Variants in CTNNAL1 observed in about 807,000 individuals in gnomAD.
CTNNAL1 encodes alpha-catulin.
In CTNNAL1, 69 loss-of-function variants were observed where a neutral mutation model predicts 93.6. The observed-to-expected ratio is 0.74, with a 90% CI of 0.61 to 0.90. The LOEUF (loss-of-function observed/expected upper bound fraction) is 0.90. Ranked by LOEUF, CTNNAL1 falls within the 40% of genes least tolerant of loss-of-function variation. CTNNAL1 has a pLI of 0.00. For synonymous variants in CTNNAL1, 286 were observed against 305.4 expected, an observed-to-expected ratio of 0.94 and a Z score of 0.66; for missense variants, 836 against 862.0, an observed-to-expected ratio of 0.97 and a Z score of 0.38.
chr9:109,001,504 G>A (rs1405649077), intron 1 of CTNNAL1, among the ~76,000 whole-genome samples: 1 of 152,150 alleles, frequency 6.6e-6, no homozygotes, highest in Non-Finnish European at 1.5e-5. Context: ...ATAATGGAGT[G>A]CTTCTAAGAG....
chr9:109,005,031 C>A (rs1441815915), intron 1 of CTNNAL1, among the ~76,000 whole-genome samples: 1 of 152,038 alleles, frequency 6.6e-6, no homozygotes, highest in Admixed American at 6.5e-5. Context: ...AAACTGACAC[C>A]AAATCCCACC....
rs1351428032 is a variant in CTNNAL1 at position 108,958,892 on chromosome 9, C to G, written c.1592-3065G>C. Among the ~76,000 whole-genome samples the G allele has an allele frequency of 2.0e-5, 3 of 150,974 alleles. No homozygotes were observed. In the East Asian group the frequency reaches 5.8e-4, roughly 29 times the overall value. On this transcript the variant is annotated intron_variant, in intron 11 of 18. Coordinates refer to ENST00000325551, the MANE Select transcript of CTNNAL1 (RefSeq NM_003798.4). ...GGGACTACAGGTGCACACCACCACG[C>G]TCGGCTAATTATAGATGTTATTTCC... is the stretch of plus-strand genomic sequence containing the variant.
At position 108,972,728 on chromosome 9, in the gene CTNNAL1, C is replaced by G; in HGVS notation, c.1294G>C (p.Ala432Pro). 6.2e-7 allele frequency: 1 copy of G among 1,613,994 alleles called. No individual in the cohort carries two copies. Among genetic ancestry groups the G allele is most frequent in the South Asian group, 1.1e-5 (1 of 91,062 alleles). Reference protein sequence around the residue: ...KLTGVEGNLEALAEYACKLSE... With the variant: ...KLTGVEGNLEPLAEYACKLSE... Reference sequence around the variant, plus strand: ...AGTTTACAGGCATATTCAGCCAAAGCTTCTAAATTTCCTTCTACTCCAGTA... The same window carrying G: ...AGTTTACAGGCATATTCAGCCAAAGGTTCTAAATTTCCTTCTACTCCAGTA... The change falls in exon 9 of 19, where the codon GCT (alanine) becomes CCT (proline). Residue 432 changes from alanine (A) to proline (P), a missense_variant. Coordinates refer to ENST00000325551, the MANE Select transcript of CTNNAL1 (RefSeq NM_003798.4).
chr9:108,997,490 T>C (rs1459630151), intron 2 of CTNNAL1, among the ~76,000 whole-genome samples: 1 of 152,234 alleles, frequency 6.6e-6, no homozygotes, highest in South Asian at 2.1e-4. Context: ...CAAAACAATA[T>C]GTCTTTCATC....
At chr9:108,961,366 A>C (rs1349845350) in intron 11 of CTNNAL1, among the ~76,000 whole-genome samples, 1 of 152,196 alleles carries the variant, frequency 6.6e-6, no homozygotes, top group Non-Finnish European at 1.5e-5. Context: ...CTTTGAGGAA[A>C]AAGCTATGCT....
In CTNNAL1 at chr9:108,943,706, T is replaced by C; in HGVS notation, c.2052A>G (p.Leu684=). 1 of 1,608,414 alleles carries C rather than the reference T, an allele frequency of 6.2e-7. No homozygotes were observed. The highest frequency in any genetic ancestry group is 8.5e-7 in the Non-Finnish European group (1 of 1,178,270). ...GTTTTTCATATGTCTCTTTTACCTT[T>C]AGAAATACTTTATTCTGCAAAGAAG... ...TKTSLQNKVF[L]KVDKCITKTR... is the part of the protein sequence containing the mutation. Residue 684 remains leucine (L), a synonymous_variant, in exon 17 of 19, where the codon CTA becomes CTG. Transcript: ENST00000325551.
intron 7 of CTNNAL1, among the ~76,000 whole-genome samples, chr9:108,978,807 A>ATCTACACCCCAATAAGTTT (rs1831336349): frequency 6.6e-6 from 1 of 152,044 alleles, no homozygotes; most frequent in African/African-American, 2.4e-5. Flanking sequence ...TTTTCATTGA[A>ATCTACACCCCAATAAGTTT]TCTACACCCC....
At chr9:108,965,686 T>A (rs557607003) in intron 10 of CTNNAL1, among the ~76,000 whole-genome samples, 158 bp from the exon 11 acceptor site, 22 of 152,352 alleles carry the variant, frequency 1.4e-4, no homozygotes, top group Admixed American at 4.6e-4. Flanking sequence ...AATATGAAGA[T>A]GCACAGTAGG....
intron 4 of CTNNAL1, among the ~76,000 whole-genome samples, chr9:108,988,298 G>T (rs186515789): frequency 4.1e-4 from 62 of 152,086 alleles, no homozygotes; most frequent in African/African-American, 1.4e-3. Context: ...TGGCCAGGCT[G>T]GTCTCAAACT....
intron 4 of CTNNAL1, among the ~76,000 whole-genome samples, chr9:108,989,705 A>G (rs1365620886): frequency 2.6e-5 from 4 of 152,220 alleles, no homozygotes; most frequent in African/African-American, 4.8e-5. Context: ...ATGATCTTCC[A>G]TCTCCCAAAA....
intron 7 of CTNNAL1, among the ~76,000 whole-genome samples, chr9:108,978,722 G>A (rs1472792374): frequency 6.6e-6 from 1 of 152,144 alleles, no homozygotes; most frequent in East Asian, 1.9e-4. Flanking sequence ...CTCACAGAGT[G>A]GCCACCCACC....
intron 6 of CTNNAL1, among the ~76,000 whole-genome samples, chr9:108,980,591 G>T (rs1831399287): frequency 6.6e-6 from 1 of 152,090 alleles, no homozygotes; most frequent in African/African-American, 2.4e-5. Flanking sequence ...TCCTGCTCTT[G>T]GCCCAAGTTG....
Position 108,990,722 on chromosome 9 carries a change from A to G in CTNNAL1, c.639+4T>C, listed in dbSNP as rs1831766540. On this transcript the variant is annotated splice_donor_region_variant and intron_variant, in intron 4 of 18. Coordinates refer to ENST00000325551, the MANE Select transcript of CTNNAL1 (RefSeq NM_003798.4). Reference sequence around the variant, plus strand: ...GAAGATTGTAAAATGTGATGAATACATACATTTTGTCTATCTCCACTCAGA... The same window carrying G: ...GAAGATTGTAAAATGTGATGAATACGTACATTTTGTCTATCTCCACTCAGA... The G allele has an allele frequency of 6.2e-7, 1 of 1,610,316 alleles. No homozygotes were observed. The highest frequency in any genetic ancestry group is 8.5e-7 in the Non-Finnish European group (1 of 1,178,770).
At chr9:108,986,597 C>G (rs964450042) in intron 4 of CTNNAL1, among the ~76,000 whole-genome samples, 3 of 151,388 alleles carry the variant, frequency 2.0e-5, no homozygotes, top group African/African-American at 7.3e-5. Flanking sequence ...CCTGAGGAAT[C>G]GCCACACTGA....
rs193301713 is a variant in CTNNAL1, at chr9:108,951,111, C to T, written c.1835+1098G>A. Among the ~76,000 whole-genome samples the T allele has an allele frequency of 4.2e-3, 634 of 151,938 alleles. 3 individuals are homozygous for T. Among genetic ancestry groups the T allele is most frequent in the African/African-American group, 7.1e-3 (293 of 41,458 alleles). On this transcript the variant is annotated intron_variant, in intron 14 of 18. Transcript: ENST00000325551. ...CTCCAAGCTCCACCTCCCGGTTTCA[C>T]GCCATTCTCCTGCCTCAGCCTCCCG...
At chr9:108,994,761 T>A (rs1167427156) in intron 2 of CTNNAL1, among the ~76,000 whole-genome samples, 1 of 152,158 alleles carries the variant, frequency 6.6e-6, no homozygotes, top group Non-Finnish European at 1.5e-5. Context: ...ATGGTGGAAG[T>A]GGTGGTATGT....
intron 8 of CTNNAL1, 31 bp from the exon 9 acceptor site, chr9:108,972,864 G>GGCCGCCCCCC: frequency 1.4e-5 from 2 of 142,586 alleles, no homozygotes; most frequent in Non-Finnish European, 2.0e-5. Flanking sequence ...GGGGGGGTGG[G>GGCCGCCCCCC]AGGGTGGAGA....
At chr9:109,004,150 A>AG (rs1435894310) in intron 1 of CTNNAL1, among the ~76,000 whole-genome samples, 1 of 152,194 alleles carries the variant, frequency 6.6e-6, no homozygotes, top group Non-Finnish European at 1.5e-5. Flanking sequence ...GGGAAGGCTC[A>AG]CATCATGAGC....
Position 108,943,014 on chromosome 9 carries a change from TG to T in CTNNAL1, c.2085del (p.Met696Ter). ...KVDKCITKTRSMMALLVQLLS... is the reference protein window; with the variant it reads ...KVDKCITKTRXMMALLVQLLS... ...AGAAGTTGGACTAAGAGAGCCATCATGGATCTTGTCTTCGTAATACACTTGT... is the reference window on the plus strand; with the variant it reads ...AGAAGTTGGACTAAGAGAGCCATCATGATCTTGTCTTCGTAATACACTTGT... On this transcript the variant is annotated frameshift_variant, in exon 18 of 19. Coordinates refer to ENST00000325551, the MANE Select transcript of CTNNAL1 (RefSeq NM_003798.4). LOFTEE classifies it high-confidence loss of function. 6.2e-7 allele frequency: 1 copy of T among 1,612,768 alleles called. No homozygotes were observed.
Sources: allele counts gnomAD v4.1 joint callset (sites outside exome capture counted in the v4.1 genomes callset), GRCh38; gene constraint gnomAD v4.1.1; transcripts MANE v1.5; gene names NCBI Gene and HGNC (gene_info 2026-07-23, HGNC 2026-07-21).